Variants in LYPD6B observed in about 807,000 individuals in gnomAD.
LYPD6B encodes the protein ly6/PLAUR domain-containing protein 6B.
A neutral mutation model predicts 22.8 loss-of-function variants in LYPD6B; 17 were observed. The observed-to-expected ratio is 0.75, with a 90% CI of 0.51 to 1.12. LYPD6B has a LOEUF of 1.12. Among genes scored for constraint, LYPD6B ranks in the 50% most tolerant of loss-of-function variants. The pLI is 0.00. For synonymous variants in LYPD6B, 106 were observed against 91.6 expected, an observed-to-expected ratio of 1.16 and a Z score of -0.90; for missense variants, 221 against 258.3, an observed-to-expected ratio of 0.86 and a Z score of 0.99.
intron 3 of LYPD6B, among the ~76,000 whole-genome samples, chr2:149,162,265 C>T (rs1457877528): frequency 6.6e-6 from 1 of 152,138 alleles, no homozygotes; most frequent in Non-Finnish European, 1.5e-5. Context: ...CAGGCAACAC[C>T]CTAAGCATTT....
chr2:149,170,650 T>G (rs1458991001), intron 3 of LYPD6B, among the ~76,000 whole-genome samples: 1 of 152,228 alleles, frequency 6.6e-6, no homozygotes, highest in Non-Finnish European at 1.5e-5. Flanking sequence ...GGAGCTGTAT[T>G]TTGAAACATT....
chr2:149,164,496 T>C (rs1473866188), intron 3 of LYPD6B, among the ~76,000 whole-genome samples: 1 of 152,158 alleles, frequency 6.6e-6, no homozygotes, highest in East Asian at 1.9e-4. Context: ...TGAAGGTGTC[T>C]ACCCACACTG....
intron 2 of LYPD6B, among the ~76,000 whole-genome samples, chr2:149,159,079 C>T (rs1689884732): frequency 6.6e-6 from 1 of 152,014 alleles, no homozygotes; most frequent in South Asian, 2.1e-4. Flanking sequence ...TGCCAGATCA[C>T]TTTAGTGTGT....
At chr2:149,129,951 T>C (rs1008071825) in intron 1 of LYPD6B, among the ~76,000 whole-genome samples, 1 of 152,200 alleles carries the variant, frequency 6.6e-6, no homozygotes, top group African/African-American at 2.4e-5. Context: ...TGCCTGGACT[T>C]CTGCTTCCAC....
intron 2 of LYPD6B, among the ~76,000 whole-genome samples, chr2:149,149,427 C>A (rs1689230041): frequency 6.6e-6 from 1 of 152,152 alleles, no homozygotes; most frequent in South Asian, 2.1e-4. Flanking sequence ...TACACACACA[C>A]ACACACGCAC....
intron 3 of LYPD6B, among the ~76,000 whole-genome samples, chr2:149,172,145 T>A (rs1690877799): frequency 6.6e-6 from 1 of 152,128 alleles, no homozygotes; most frequent in Non-Finnish European, 1.5e-5. Context: ...ATGTCCTTCT[T>A]CACATGGCGG....
intron 3 of LYPD6B, 58 bp from the exon 4 acceptor site, chr2:149,205,193 AAC>A: frequency 6.5e-7 from 1 of 1,540,450 alleles, no homozygotes; most frequent in Non-Finnish European, 8.8e-7. Context: ...ACAGAAGCAA[AAC>A]ACAAACCCAC....
At chr2:149,150,470 G>A (rs1689298211) in intron 2 of LYPD6B, among the ~76,000 whole-genome samples, 1 of 152,156 alleles carries the variant, frequency 6.6e-6, no homozygotes, top group Non-Finnish European at 1.5e-5. Flanking sequence ...AACAAAGAGT[G>A]AAATTGTTTG....
At chr2:149,039,318 A>T (rs956738310) in intron 1 of LYPD6B, among the ~76,000 whole-genome samples, 12 of 152,186 alleles carry the variant, frequency 7.9e-5, no homozygotes, top group Admixed American at 1.3e-4. Flanking sequence ...GTTGTTGAAT[A>T]ACCTACCTTA....
intron 2 of LYPD6B, among the ~76,000 whole-genome samples, chr2:149,137,181 T>A (rs1184982791): frequency 6.6e-6 from 1 of 152,150 alleles, no homozygotes; most frequent in African/African-American, 2.4e-5. Flanking sequence ...ATCCTGTGAG[T>A]CAAAGAGGGG....
intron 1 of LYPD6B, among the ~76,000 whole-genome samples, chr2:149,070,007 T>A (rs758351453): frequency 6.6e-6 from 1 of 151,260 alleles, no homozygotes; most frequent in Non-Finnish European, 1.5e-5. Context: ...CTTAGAAAAA[T>A]AATGGCTGGA....
At chr2:149,086,716 T>C (rs1004445109) in intron 1 of LYPD6B, among the ~76,000 whole-genome samples, 2 of 152,210 alleles carry the variant, frequency 1.3e-5, no homozygotes, top group African/African-American at 4.8e-5. Flanking sequence ...AATAAAAATT[T>C]ATTTTTTCAC....
intron 1 of LYPD6B, among the ~76,000 whole-genome samples, chr2:149,057,690 A>T (rs1047805944): frequency 6.6e-6 from 1 of 152,198 alleles, no homozygotes; most frequent in East Asian, 1.9e-4. Context: ...GAACCCAGCA[A>T]ATGGAAGAAT....
chr2:149,154,168 A>G (rs1689551433), intron 2 of LYPD6B: 1 of 169,596 alleles, frequency 5.9e-6, no homozygotes, highest in Non-Finnish European at 9.7e-6. Flanking sequence ...GTACCTTTGC[A>G]GATGTAATTA....
intron 1 of LYPD6B, among the ~76,000 whole-genome samples, chr2:149,100,199 T>C (rs1686125045): frequency 6.6e-6 from 1 of 152,078 alleles, no homozygotes; most frequent in East Asian, 1.9e-4. Flanking sequence ...GCCCCTTGTC[T>C]TTTGGTCCCA....
At chr2:149,160,724 C>G in intron 2 of LYPD6B, 40 bp from the exon 3 acceptor site, 1 of 1,377,080 alleles carries the variant, frequency 7.3e-7, no homozygotes, top group Non-Finnish European at 1.0e-6. Flanking sequence ...TACTCATCGT[C>G]AGCAGTGGCT....
chr2:149,141,317 C>A (rs974147794), intron 2 of LYPD6B, among the ~76,000 whole-genome samples: 1 of 152,102 alleles, frequency 6.6e-6, no homozygotes. Context: ...CTTGGTGCAT[C>A]CGCGTGGAGT....
intron 1 of LYPD6B, among the ~76,000 whole-genome samples, chr2:149,118,600 A>G (rs1418236436): frequency 2.6e-5 from 4 of 152,234 alleles, no homozygotes; most frequent in Non-Finnish European, 4.4e-5. Flanking sequence ...GAAAATGTTC[A>G]AGACAGAGTA....
chr2:149,134,120 G>A (rs1688201733), intron 2 of LYPD6B, among the ~76,000 whole-genome samples: 2 of 152,172 alleles, frequency 1.3e-5, no homozygotes, highest in South Asian at 4.1e-4. Context: ...GGGACGTACA[G>A]CGGAGACCTG....
Sources: allele counts gnomAD v4.1 joint callset (sites outside exome capture counted in the v4.1 genomes callset), GRCh38; gene constraint gnomAD v4.1.1; transcripts MANE v1.5; gene names NCBI Gene and HGNC (gene_info 2026-07-23, HGNC 2026-07-21).